The following OIP5 variants were observed in gnomAD, a reference collection of about 807,000 sequenced individuals.
OIP5 encodes protein Mis18-beta.
A neutral mutation model predicts 20.3 loss-of-function variants in OIP5; 24 were observed. The observed-to-expected ratio is 1.18, with a 90% CI of 0.86 to 1.66. OIP5 has a LOEUF of 1.66. Among genes scored for constraint, OIP5 ranks in the 40% most tolerant of loss-of-function variants. OIP5 has a pLI of 0.00. For synonymous variants in OIP5, 143 were observed against 121.3 expected (o/e 1.18, Z -1.17); for missense variants, 339 against 289.5 (o/e 1.17, Z -1.24).
chr15:41,320,957 C>T (rs1367756330), intron 2 of OIP5, among the ~76,000 whole-genome samples: 4 of 149,082 alleles, frequency 2.7e-5, no homozygotes, highest in South Asian at 2.1e-4. Flanking sequence ...ATGTGAGGAG[C>T]GCCTCTGCCC....
At chr15:41,315,787 C>A (rs185908601) in intron 3 of OIP5, among the ~76,000 whole-genome samples, 2 of 152,286 alleles carry the variant, frequency 1.3e-5, no homozygotes, top group Admixed American at 1.3e-4. Flanking sequence ...TGTGGGATTA[C>A]TAACAGCACA....
At chr15:41,323,769 C>A (rs965829823) in intron 2 of OIP5, among the ~76,000 whole-genome samples, 1 of 152,026 alleles carries the variant, frequency 6.6e-6, no homozygotes, top group African/African-American at 2.4e-5. Context: ...CTGTGACCAG[C>A]TCCTTTGAAG....
intron 4 of OIP5, 24 bp from the exon 5 acceptor site, chr15:41,309,873 T>G: frequency 1.3e-6 from 2 of 1,504,068 alleles, no homozygotes; most frequent in Non-Finnish European, 9.2e-7. Context: ...TATATAGATA[T>G]CAGGGCATCT....
Position 41,319,643 on chromosome 15 carries a change from T to C in OIP5, c.512+15A>G, listed in dbSNP as rs1035927167. ...AATAAAATGTATTTGATGATCAATA[T>C]CTAAGTCTACTCACCACACCATTTT... is the stretch of plus-strand genomic sequence containing the variant. On this transcript the variant is annotated intron_variant, in intron 3 of 4. Coordinates refer to ENST00000220514, the MANE Select transcript of OIP5 (RefSeq NM_007280.2). 6.3e-7 allele frequency: 1 copy of C among 1,595,396 alleles called. No homozygotes were observed. Among genetic ancestry groups the C allele is most frequent in the East Asian group, 2.2e-5 (1 of 44,766 alleles).
At position 41,321,924 on chromosome 15, in the gene OIP5, A is replaced by AAAAT. The variant is rs148885291; in HGVS notation, c.390-2148_390-2145dup. Among the ~76,000 whole-genome samples, 117 of 149,620 alleles carry AAAAT rather than the reference A, an allele frequency of 7.8e-4. No individual in the cohort carries two copies. The East Asian group carries it at 0.014, about 18-fold the overall frequency. ...GAAACACCCAAGAATGATCAATAAAAAAATAAATAAATAAATAAATAAATA... is the reference window on the plus strand; with the variant it reads ...GAAACACCCAAGAATGATCAATAAAAAAATAAATAAATAAATAAATAAATAAATA... On this transcript the variant is annotated intron_variant, in intron 2 of 4. Coordinates refer to ENST00000220514, the MANE Select transcript of OIP5 (RefSeq NM_007280.2).
intron 1 of OIP5, 113 bp downstream of exon 1, chr15:41,332,127 C>T: frequency 7.2e-7 from 1 of 1,379,906 alleles, no homozygotes; most frequent in Non-Finnish European, 1.0e-6. Context: ...TTATTTGCTT[C>T]CAACTTTTCA....
chr15:41,319,682 C>A lies in OIP5; in HGVS notation c.488G>T (p.Cys163Phe), dbSNP rs199569545. 6.8e-6 allele frequency: 11 copies of A among 1,613,664 alleles called. No individual in the cohort carries two copies. The highest frequency in any genetic ancestry group is 9.3e-6 in the Non-Finnish European group (11 of 1,179,766). The change falls in exon 3 of 5, where the codon TGC becomes TTC. Residue 163 changes from cysteine to phenylalanine, a missense_variant. Cys to Phe is a radical substitution (Grantham distance 205, BLOSUM62 -2). Transcript: ENST00000220514. Reference sequence around the variant, plus strand: ...CCACACCATTTTGTCACTGGAAAGGCAGAAGTGACCTCTCAAGGCAGCCAG... The same window carrying A: ...CCACACCATTTTGTCACTGGAAAGGAAGAAGTGACCTCTCAAGGCAGCCAG... ...AALAALRGHF[C>F]LSSDKMVCYL...
intron 3 of OIP5, among the ~76,000 whole-genome samples, chr15:41,317,210 T>A (rs1488727310): frequency 1.3e-5 from 2 of 152,138 alleles, no homozygotes; most frequent in Non-Finnish European, 2.9e-5. Flanking sequence ...CAGAGAAGAC[T>A]TCCCTGCAGC....
At chr15:41,320,160 A>G (rs1490489400) in intron 2 of OIP5, among the ~76,000 whole-genome samples, 1 of 152,212 alleles carries the variant, frequency 6.6e-6, no homozygotes, top group African/African-American at 2.4e-5. Flanking sequence ...AAAATAATCA[A>G]GTTGACTGGG....
chr15:41,331,998 G>C lies in OIP5; in HGVS notation c.323-17C>G. On this transcript the variant is annotated splice_polypyrimidine_tract_variant and intron_variant, in intron 1 of 4. Coordinates refer to ENST00000220514, the MANE Select transcript of OIP5 (RefSeq NM_007280.2). The stretch of plus-strand genomic sequence containing the variant: ...TTGTAACTCCTAGGAAGACAAACAC[G>C]GGTCAGAACCCATACTCTGCGGGCC... 6.2e-7 allele frequency: 1 copy of C among 1,612,644 alleles called. No homozygotes were observed. Among genetic ancestry groups the C allele is most frequent in the Non-Finnish European group, 8.5e-7 (1 of 1,178,778 alleles).
In OIP5 at chr15:41,332,297, C is replaced by T. The variant is rs763128976; in HGVS notation, c.265G>A (p.Asp89Asn). ...QCAQCHAVLA[D>N]SVHLAWDLSR... ...AGGTCCCAGGCGAGGTGCACCGAGT[C>T]GGCGAGCACTGCGTGACACTGTGCG... The change falls in exon 1 of 5, where the codon GAC becomes AAC. Residue 89 changes from aspartate to asparagine, a missense_variant. Transcript: ENST00000220514. 6.3e-7 allele frequency: 1 copy of T among 1,583,326 alleles called. No homozygotes were observed. Among genetic ancestry groups the T allele is most frequent in the Non-Finnish European group, 8.6e-7 (1 of 1,164,526 alleles).
At chr15:41,316,556 A>G (rs765928680) in intron 3 of OIP5, among the ~76,000 whole-genome samples, 1 of 152,020 alleles carries the variant, frequency 6.6e-6, no homozygotes, top group Non-Finnish European at 1.5e-5. Flanking sequence ...TTAGGAGGCC[A>G]AGGCGGGCGG....
At chr15:41,325,271 G>T (rs1362015443) in intron 2 of OIP5, among the ~76,000 whole-genome samples, 4 of 152,042 alleles carry the variant, frequency 2.6e-5, no homozygotes, top group African/African-American at 9.7e-5. Context: ...CGGGTGTGGT[G>T]GCGGGCCCCT....
At chr15:41,311,714 T>C (rs754489368) in intron 4 of OIP5, among the ~76,000 whole-genome samples, 194 of 151,984 alleles carry the variant, frequency 1.3e-3, no homozygotes, top group Non-Finnish European at 2.2e-3. Context: ...GCTGGGATTA[T>C]AGGCGCCTGC....
In OIP5 at chr15:41,313,503, ACCATAT is replaced by A. The variant is rs2047772113; in HGVS notation, c.513-155_513-150del. 30 of 578,906 alleles carry A rather than the reference ACCATAT, an allele frequency of 5.2e-5. 1 individual carries two copies. In the South Asian group the frequency reaches 6.2e-4, roughly 12 times the overall value. The allele number at this position is 578,906 out of a possible 1,614,324, so 35.9% of individuals were successfully genotyped here. A position where few individuals can be genotyped will look rare whatever the true frequency, so the allele number is the denominator to read the frequency against. ...AGACTCATGATGTTACAGTTGGCCC[ACCATAT>A]CCATGGGTATAGCATCCATGGATTC... On this transcript the variant is annotated intron_variant, in intron 3 of 4. Transcript: ENST00000220514.
At chr15:41,321,388 C>A (rs983508505) in intron 2 of OIP5, among the ~76,000 whole-genome samples, 110 of 152,250 alleles carry the variant, frequency 7.2e-4, no homozygotes, top group Middle Eastern at 3.4e-3. Flanking sequence ...AAGTGAGGAG[C>A]CCCTCTGCCC....
intron 3 of OIP5, among the ~76,000 whole-genome samples, chr15:41,315,094 T>C (rs1002184304): frequency 2.9e-5 from 4 of 140,178 alleles, no homozygotes; most frequent in East Asian, 2.0e-4. Flanking sequence ...AGTGAGACCC[T>C]GTCTCAAAAA....
At chr15:41,325,427 T>C (rs2047855481) in intron 2 of OIP5, among the ~76,000 whole-genome samples, 1 of 150,182 alleles carries the variant, frequency 6.7e-6, no homozygotes, top group South Asian at 2.1e-4. Flanking sequence ...ATAATAAAAA[T>C]AAAAACTGCC....
intron 4 of OIP5, among the ~76,000 whole-genome samples, chr15:41,311,731 G>A (rs567509753): frequency 2.0e-5 from 3 of 151,886 alleles, no homozygotes; most frequent in East Asian, 1.9e-4. Flanking sequence ...CTGCCACTGC[G>A]CCTGGCTAAT....
Sources: gnomAD v4.1 joint callset for allele counts (sites outside exome capture counted in the v4.1 genomes callset) on GRCh38, gnomAD v4.1.1 for gene constraint, MANE v1.5 for transcripts, NCBI Gene and HGNC (gene_info 2026-07-23, HGNC 2026-07-21) for gene names.